EFHC2: variants seen among roughly 807,000 people sequenced by gnomAD.
EFHC2 encodes EF-hand domain-containing family member C2.
Under a neutral mutation model 52.7 loss-of-function variants are expected in EFHC2, and 18 were observed. The ratio of observed to expected loss-of-function variants is 0.34; its 90% CI spans 0.24 to 0.51. The LOEUF (loss-of-function observed/expected upper bound fraction) is 0.51, where lower values mean the gene tolerates loss of function less well. EFHC2 is among the 20% of genes least tolerant of loss of function. The probability of loss-of-function intolerance (pLI) is 0.97; values close to 1 mark genes in which losing one functional copy is unlikely to be tolerated. For synonymous variants in EFHC2, 203 were observed against 204.1 expected (o/e 0.99, Z 0.04); for missense variants, 513 against 562.5 (o/e 0.91, Z 0.89).
chrX:44,308,257 G>A (rs905286736), intron 2 of EFHC2, among the ~76,000 whole-genome samples: 4 of 110,994 alleles, frequency 3.6e-5, no homozygotes, highest in Non-Finnish European at 5.7e-5. Context: ...CACTTAACAG[G>A]AGCAAGATCT....
At chrX:44,217,705 G>A (rs931527511) in intron 11 of EFHC2, among the ~76,000 whole-genome samples, 1 of 110,876 alleles carries the variant, frequency 9.0e-6, no homozygotes, top group African/African-American at 3.3e-5. Flanking sequence ...AGAAAGGGTA[G>A]TGGGGGAGAG....
chrX:44,173,992 T>G (rs2036765066), intron 13 of EFHC2, among the ~76,000 whole-genome samples: 1 of 111,850 alleles, frequency 8.9e-6, no homozygotes, highest in African/African-American at 3.3e-5. Flanking sequence ...GCTTAATGTG[T>G]GAAAGGCATT....
At chrX:44,306,972 C>T (rs1056110253) in intron 2 of EFHC2, among the ~76,000 whole-genome samples, 3 of 111,905 alleles carry the variant, frequency 2.7e-5, no homozygotes, top group Admixed American at 1.9e-4. Flanking sequence ...AAGAATTATC[C>T]CCCCTTCAGG....
chrX:44,287,193 A>G (rs1373000887), intron 2 of EFHC2, among the ~76,000 whole-genome samples: 2 of 111,095 alleles, frequency 1.8e-5, no homozygotes, highest in Non-Finnish European at 3.8e-5. Context: ...CGTTTCTAAA[A>G]AAAAATTTTT....
chrX:44,272,828 A>C lies in EFHC2; in HGVS notation c.240T>G (p.Ser80=). ...CTTCCTCTTCCAAATAGGCATCAAA[A>C]GATAATACCTGTTGGAATAATAATT... is the stretch of plus-strand genomic sequence containing the variant. ...SWVAFDKQVL[S]FDAYLEEEVL... The change falls in exon 3 of 15, where the codon TCT becomes TCG. Residue 80 remains serine, a synonymous_variant. Coordinates refer to ENST00000420999, the MANE Select transcript of EFHC2 (RefSeq NM_025184.4). The C allele has an allele frequency of 8.7e-7, 1 of 1,155,777 alleles. No homozygotes were observed. The highest frequency in any genetic ancestry group is 1.2e-6 in the Non-Finnish European group (1 of 865,107).
intron 8 of EFHC2, among the ~76,000 whole-genome samples, chrX:44,238,313 C>T (rs897366005): frequency 1.8e-5 from 2 of 111,362 alleles, no homozygotes; most frequent in Non-Finnish European, 3.8e-5. Flanking sequence ...ACTTCCACTG[C>T]GCTCACCCAG....
chrX:44,211,854 A>G (rs1317797951), intron 11 of EFHC2, among the ~76,000 whole-genome samples: 6 of 95,961 alleles, frequency 6.3e-5, no homozygotes, highest in Non-Finnish European at 6.2e-5. Context: ...GCGACAGAGC[A>G]AGACTCCCTC....
chrX:44,341,736 C>T (rs772316027), intron 1 of EFHC2, among the ~76,000 whole-genome samples: 2 of 112,917 alleles, frequency 1.8e-5, no homozygotes, highest in Non-Finnish European at 3.7e-5. Context: ...AGGCGTGAGC[C>T]ACTGCGCCCA....
chrX:44,298,467 A>G (rs1442616670), intron 2 of EFHC2, among the ~76,000 whole-genome samples: 1 of 111,857 alleles, frequency 8.9e-6, no homozygotes, highest in East Asian at 2.8e-4. Flanking sequence ...TTGGGGGAAT[A>G]AGGGAACCTC....
At chrX:44,298,377 G>A (rs1005062140) in intron 2 of EFHC2, among the ~76,000 whole-genome samples, 13 of 111,560 alleles carry the variant, frequency 1.2e-4, no homozygotes, top group African/African-American at 2.6e-4. Context: ...ATAAGATTCC[G>A]TTTATCTGAA....
Position 44,148,889 on chromosome X carries a change from T to C in EFHC2, c.2156A>G (p.Glu719Gly), listed in dbSNP as rs1390705670. ...QPASYLKERC[E>G]DVWLGMPSPI... Reference sequence around the variant, plus strand: ...TGATGGCATACCAAGCCAAACATCTTCACATCTCTAGAAAAAAACCAAAAA... The same window carrying C: ...TGATGGCATACCAAGCCAAACATCTCCACATCTCTAGAAAAAAACCAAAAA... The change falls in exon 15 of 15, where the codon GAA becomes GGA. Residue 719 changes from glutamate (E) to glycine (G), a missense_variant. By Grantham distance (98) the Glu-to-Gly change is moderately conservative (BLOSUM62 -2). Transcript: ENST00000420999. 6 of 1,175,312 alleles carry C rather than the reference T, an allele frequency of 5.1e-6. No homozygotes were observed.
intron 11 of EFHC2, among the ~76,000 whole-genome samples, chrX:44,225,471 G>T (rs2147316381): frequency 9.0e-6 from 1 of 110,630 alleles, no homozygotes; most frequent in South Asian, 3.9e-4. Context: ...AATGCTGGGG[G>T]CTTGGACCAC....
chrX:44,341,136 TA>T (rs1424235860), intron 1 of EFHC2, among the ~76,000 whole-genome samples: 1 of 111,952 alleles, frequency 8.9e-6, no homozygotes, highest in Non-Finnish European at 1.9e-5. Context: ...ACTGTTGAGC[TA>T]AAAAAGCCAG....
At chrX:44,164,642 T>C (rs1421352628) in intron 13 of EFHC2, among the ~76,000 whole-genome samples, 1 of 111,876 alleles carries the variant, frequency 8.9e-6, no homozygotes, top group Non-Finnish European at 1.9e-5. Flanking sequence ...TTTAGGTTTA[T>C]ATATTAAAAA....
At chrX:44,341,870 GATTT>G (rs2038153879) in intron 1 of EFHC2, among the ~76,000 whole-genome samples, 1 of 112,511 alleles carries the variant, frequency 8.9e-6, no homozygotes, top group Admixed American at 9.5e-5. Context: ...GAACCTTGCA[GATTT>G]ATTAATATTT....
At chrX:44,183,883 A>G (rs1359052838) in intron 11 of EFHC2, among the ~76,000 whole-genome samples, 1 of 112,225 alleles carries the variant, frequency 8.9e-6, no homozygotes. Flanking sequence ...GGCAGTCTGG[A>G]AAAAGTGTGA....
At chrX:44,170,637 A>G (rs1173242974) in intron 13 of EFHC2, among the ~76,000 whole-genome samples, 3 of 110,193 alleles carry the variant, frequency 2.7e-5, no homozygotes, top group Non-Finnish European at 5.7e-5. Context: ...GGAAAAGCCT[A>G]TGAATCATAT....
At chrX:44,341,129 G>A (rs1467007505) in intron 1 of EFHC2, among the ~76,000 whole-genome samples, 1 of 111,964 alleles carries the variant, frequency 8.9e-6, no homozygotes, top group Non-Finnish European at 1.9e-5. Flanking sequence ...CGAACATACT[G>A]TTGAGCTAAA....
intron 2 of EFHC2, among the ~76,000 whole-genome samples, chrX:44,280,377 A>C (rs1284478335): frequency 8.9e-6 from 1 of 112,070 alleles, no homozygotes; most frequent in Non-Finnish European, 1.9e-5. Context: ...ATGCAAGGGT[A>C]GTTCCTTAAC....
Sources: gnomAD v4.1 joint callset for allele counts (sites outside exome capture counted in the v4.1 genomes callset) on GRCh38, gnomAD v4.1.1 for gene constraint, MANE v1.5 for transcripts, NCBI Gene and HGNC (gene_info 2026-07-23, HGNC 2026-07-21) for gene names.